MFAP3: variants seen among roughly 807,000 people sequenced by gnomAD.
The protein encoded by MFAP3 is microfibril associated protein 3.
A neutral mutation model predicts 20.5 loss-of-function variants in MFAP3; 8 were observed. That is an observed-to-expected ratio of 0.39 (90% confidence interval 0.23 to 0.70). The LOEUF (loss-of-function observed/expected upper bound fraction) is 0.70, where lower values mean the gene tolerates loss of function less well. MFAP3 is among the 30% of genes least tolerant of loss of function. The probability of loss-of-function intolerance (pLI) is 0.44; values close to 1 mark genes in which losing one functional copy is unlikely to be tolerated. For missense variants in MFAP3, 398 were observed against 444.6 expected, an observed-to-expected ratio of 0.90 and a Z score of 0.94; for synonymous variants, 140 against 154.0, an observed-to-expected ratio of 0.91 and a Z score of 0.67.
intron 1 of MFAP3, among the ~76,000 whole-genome samples, chr5:154,046,558 G>A (rs1021385666): frequency 6.6e-6 from 1 of 152,128 alleles, no homozygotes; most frequent in African/African-American, 2.4e-5. Context: ...TGAAGGAGAA[G>A]CCATCCTTTA....
chr5:154,043,640 TAAG>T (rs918590909), intron 1 of MFAP3, among the ~76,000 whole-genome samples: 7 of 152,124 alleles, frequency 4.6e-5, no homozygotes, highest in Admixed American at 3.9e-4. Flanking sequence ...TTTTAACTGA[TAAG>T]AAGAAGGTGA....
chr5:154,042,730 G>A (rs1454163180), intron 1 of MFAP3, among the ~76,000 whole-genome samples: 1 of 152,094 alleles, frequency 6.6e-6, no homozygotes, highest in African/African-American at 2.4e-5. Flanking sequence ...CGTTTTCCAA[G>A]TGTGACAGTG....
At chr5:154,045,660 C>T (rs1222298564) in intron 1 of MFAP3, among the ~76,000 whole-genome samples, 1 of 152,114 alleles carries the variant, frequency 6.6e-6, no homozygotes, top group Non-Finnish European at 1.5e-5. Context: ...TGCAATAATC[C>T]TGTGAGAATA....
intron 1 of MFAP3, among the ~76,000 whole-genome samples, chr5:154,043,221 C>T (rs557871936): frequency 4.6e-5 from 7 of 152,286 alleles, no homozygotes; most frequent in Admixed American, 2.0e-4. Context: ...GAGTCTTACA[C>T]TTATCTATTA....
In MFAP3 at chr5:154,050,978, T is replaced by A. The variant is rs541254955; in HGVS notation, c.295+961T>A. On this transcript the variant is annotated intron_variant, in intron 2 of 2. Coordinates refer to ENST00000522782, the MANE Select transcript of MFAP3 (RefSeq NM_005927.5). ...TGTAGCCTTCTGAAATAGAAAAGGATATTGGTTATTCATATTAGGCTGGAA... is the reference window on the plus strand; with the variant it reads ...TGTAGCCTTCTGAAATAGAAAAGGAAATTGGTTATTCATATTAGGCTGGAA... Among the ~76,000 whole-genome samples, 3 of 152,174 alleles carry A rather than the reference T, an allele frequency of 2.0e-5. No individual in the cohort carries two copies. The South Asian group carries it at 6.2e-4, about 31-fold the overall frequency.
Position 154,053,433 on chromosome 5 carries a change from G to T in MFAP3, c.809G>T (p.Arg270Ile), listed in dbSNP as rs1001972592. 5 of 1,613,860 alleles carry T rather than the reference G, an allele frequency of 3.1e-6. No individual in the cohort carries two copies. In the African/African-American group the frequency reaches 6.7e-5, roughly 22 times the overall value. The change falls in exon 3 of 3, where the codon AGA becomes ATA. Residue 270 changes from arginine (R) to isoleucine (I), a missense_variant. By Grantham distance (97) the Arg-to-Ile change is moderately conservative. Transcript: ENST00000522782. ...GACGACCCTGATGACCTGGGTGAAA[G>T]AATTAAAGAGAGACCTGCCTTGAAT... ...RVDDPDDLGE[R>I]IKERPALNAQ...
At chr5:154,043,742 A>ATATTT (rs149312866) in intron 1 of MFAP3, among the ~76,000 whole-genome samples, 6 of 142,946 alleles carry the variant, frequency 4.2e-5, no homozygotes, top group African/African-American at 1.5e-4. Flanking sequence ...ATATATATAT[A>ATATTT]TTTTTTTTTC....
At chr5:154,050,039 A>G (rs374874009) in intron 2 of MFAP3, 22 bp downstream of exon 2, 1 of 1,561,350 alleles carries the variant, frequency 6.4e-7, no homozygotes, top group African/African-American at 1.4e-5. Flanking sequence ...GGGTATAATT[A>G]ATCAAGGTTA....
rs531128208 is a variant in MFAP3 at position 154,053,082 on chromosome 5, T to C, written c.458T>C (p.Ile153Thr). ...GGAGACATGAGTGTCTATTACATGA[T>C]TGTTTGCCTGATTGCCTTTACAATC... Reference protein sequence around the residue: ...TSGDMSVYYMIVCLIAFTITL... With the variant: ...TSGDMSVYYMTVCLIAFTITL... The change falls in exon 3 of 3, where the codon ATT (isoleucine) becomes ACT (threonine). Residue 153 changes from isoleucine (I) to threonine (T), a missense_variant. By Grantham distance (89) the Ile-to-Thr change is moderately conservative (BLOSUM62 -1). Transcript: ENST00000522782. 1 of 1,613,906 alleles carries C rather than the reference T, an allele frequency of 6.2e-7. No individual in the cohort carries two copies. The highest frequency in any genetic ancestry group is 8.5e-7 in the Non-Finnish European group (1 of 1,179,888).
intron 1 of MFAP3, among the ~76,000 whole-genome samples, chr5:154,046,758 G>C (rs574057255): frequency 1.3e-5 from 2 of 152,290 alleles, no homozygotes; most frequent in East Asian, 3.9e-4. Flanking sequence ...CTGAATCTCA[G>C]AGCAGGAAGA....
intron 1 of MFAP3, among the ~76,000 whole-genome samples, chr5:154,040,069 T>C (rs1772887591): frequency 6.6e-6 from 1 of 152,218 alleles, no homozygotes; most frequent in Non-Finnish European, 1.5e-5. Context: ...ATGCATAGAA[T>C]TTGGGGCTAA....
intron 1 of MFAP3, among the ~76,000 whole-genome samples, chr5:154,043,900 A>G (rs797002830): frequency 1.5e-4 from 23 of 152,334 alleles, no homozygotes; most frequent in African/African-American, 5.5e-4. Flanking sequence ...AATGAAAGTA[A>G]AATAACTATA....
In MFAP3 at chr5:154,053,856, C is replaced by T. The variant is rs1342813840; in HGVS notation, c.*143C>T. 6 of 695,034 alleles carry T rather than the reference C, an allele frequency of 8.6e-6. No individual in the cohort carries two copies. The highest frequency in any genetic ancestry group is 1.5e-5 in the Non-Finnish European group (6 of 411,980). 43.1% of individuals were successfully genotyped at this position (695,034 alleles called of 1,614,324 possible). A position where few individuals can be genotyped will look rare whatever the true frequency, so the allele number is the denominator to read the frequency against. ...TTAAGCACATCAGAACGTGAATTGC[C>T]AAAGTCTTCATTAGAAGGCAGCATT... On this transcript the variant is annotated 3_prime_UTR_variant, in exon 3 of 3. Transcript: ENST00000522782.
At chr5:154,050,388 A>G (rs752169477) in intron 2 of MFAP3, among the ~76,000 whole-genome samples, 3 of 152,162 alleles carry the variant, frequency 2.0e-5, no homozygotes, top group Non-Finnish European at 2.9e-5. Flanking sequence ...CTATGTCAGT[A>G]GTACAGTGTG....
chr5:154,051,989 ACAGAGTGCTTTGGGAATGTAT>A (rs1773202674), intron 2 of MFAP3: 1 of 152,184 alleles, frequency 6.6e-6, no homozygotes, highest in Non-Finnish European at 1.5e-5. Context: ...TAGTTAAAGC[ACAGAGTGCTTTGGGAATGTAT>A]CACAAAAGTA....
chr5:154,043,585 A>G (rs1417849994), intron 1 of MFAP3, among the ~76,000 whole-genome samples: 1 of 152,076 alleles, frequency 6.6e-6, no homozygotes, highest in Admixed American at 6.6e-5. Flanking sequence ...AAAGGTAATA[A>G]AAAATTTTAT....
intron 1 of MFAP3, among the ~76,000 whole-genome samples, chr5:154,043,765 C>T (rs1773016892): frequency 6.6e-6 from 1 of 150,520 alleles, no homozygotes; most frequent in Non-Finnish European, 1.5e-5. Flanking sequence ...AATACAAATG[C>T]ACGTACTCTT....
Position 154,053,517 on chromosome 5 carries a change from G to T in MFAP3, c.893G>T (p.Gly298Val). 1 of 1,613,806 alleles carries T rather than the reference G, an allele frequency of 6.2e-7. No individual in the cohort carries two copies. The highest frequency in any genetic ancestry group is 1.1e-5 in the South Asian group (1 of 91,070). Residue 298 changes from glycine (G) to valine (V), a missense_variant, in exon 3 of 3, where the codon GGA becomes GTA. Physicochemically the swap from Gly to Val is moderately radical, Grantham distance 109 (BLOSUM62 -3). Coordinates refer to ENST00000522782, the MANE Select transcript of MFAP3 (RefSeq NM_005927.5). ...PEMGRSNSPG[G>V]DSDDGSLNEQ... ...ATGGGACGGAGTAATTCACCAGGAGGAGATTCAGATGATGGCTCTCTGAAT... is the reference window on the plus strand; with the variant it reads ...ATGGGACGGAGTAATTCACCAGGAGTAGATTCAGATGATGGCTCTCTGAAT...
At position 154,049,730 on chromosome 5, in the gene MFAP3, T is replaced by G. The variant is rs750039067; in HGVS notation, c.8T>G (p.Leu3Arg). The G allele has an allele frequency of 1.2e-6, 2 of 1,611,254 alleles. No homozygotes were observed. The highest frequency in any genetic ancestry group is 1.7e-6 in the Non-Finnish European group (2 of 1,177,954). ...ATTTTGTCCCATTTTCCCATGAAGC[T>G]ACATTGTTGCTTATTCACTTTAGTG... MK[L>R]HCCLFTLVAS... The change falls in exon 2 of 3, where the codon CTA (leucine) becomes CGA (arginine). Residue 3 changes from leucine to arginine, a missense_variant. Leu to Arg is a moderately radical substitution (Grantham distance 102). Transcript: ENST00000522782.
Sources: allele counts gnomAD v4.1 joint callset (sites outside exome capture counted in the v4.1 genomes callset), GRCh38; gene constraint gnomAD v4.1.1; transcripts MANE v1.5; gene names NCBI Gene and HGNC (gene_info 2026-07-23, HGNC 2026-07-21).